The following SLC24A3 variants were observed in gnomAD, a reference collection of about 807,000 sequenced individuals.
SLC24A3 encodes sodium/potassium/calcium exchanger 3.
SLC24A3 carries 28 observed loss-of-function variants against 75.8 expected under a neutral mutation model. The observed-to-expected ratio is 0.37, with a 90% confidence interval of 0.27 to 0.51. The LOEUF (loss-of-function observed/expected upper bound fraction) is 0.51. Ranked by LOEUF, SLC24A3 falls within the 20% of genes least tolerant of loss-of-function variation. The pLI, the probability that SLC24A3 is intolerant of heterozygous loss-of-function variation, is 0.94. For synonymous variants in SLC24A3, 372 were observed against 334.1 expected, an observed-to-expected ratio of 1.11 and a Z score of -1.24; for missense variants, 663 against 847.8, an observed-to-expected ratio of 0.78 and a Z score of 2.71.
At chr20:19,382,390 G>T (rs1352869822) in intron 2 of SLC24A3, among the ~76,000 whole-genome samples, 1 of 151,814 alleles carries the variant, frequency 6.6e-6, no homozygotes, top group East Asian at 1.9e-4. Flanking sequence ...TTACTGCAGT[G>T]GGAGGAAGAA....
chr20:19,669,741 T>A (rs2032444267), intron 8 of SLC24A3, among the ~76,000 whole-genome samples: 1 of 151,990 alleles, frequency 6.6e-6, no homozygotes, highest in Non-Finnish European at 1.5e-5. Context: ...CTCTTCTTGG[T>A]GGGGCTGGAA....
rs117269473 is a variant in SLC24A3 at position 19,365,725 on chromosome 20, G to T, written c.271+84638G>T. On this transcript the variant is annotated intron_variant, in intron 2 of 16. Coordinates refer to ENST00000328041, the MANE Select transcript of SLC24A3 (RefSeq NM_020689.4). Reference sequence around the variant, plus strand: ...ATTTCAATGGCTATGACTGTTGTCTGTGGAGGGTAGAGCTACCTCCAGCCT... The same window carrying T: ...ATTTCAATGGCTATGACTGTTGTCTTTGGAGGGTAGAGCTACCTCCAGCCT... Among the ~76,000 whole-genome samples the T allele has an allele frequency of 2.0e-3, 307 of 151,946 alleles. 11 individuals are homozygous for T. In the East Asian group the frequency reaches 0.046, roughly 23 times the overall value.
At chr20:19,342,371 C>G (rs1985291139) in intron 2 of SLC24A3, among the ~76,000 whole-genome samples, 1 of 152,232 alleles carries the variant, frequency 6.6e-6, no homozygotes, top group Non-Finnish European at 1.5e-5. Context: ...GGGACCTATA[C>G]TCTGCCAGTG....
intron 2 of SLC24A3, among the ~76,000 whole-genome samples, chr20:19,495,490 G>T (rs531900197): frequency 6.6e-6 from 1 of 152,198 alleles, no homozygotes; most frequent in Non-Finnish European, 1.5e-5. Flanking sequence ...GTAGAGCATC[G>T]CCAGCTGTGG....
At chr20:19,219,533 C>G (rs967092439) in intron 1 of SLC24A3, among the ~76,000 whole-genome samples, 1 of 151,914 alleles carries the variant, frequency 6.6e-6, no homozygotes, top group Non-Finnish European at 1.5e-5. Flanking sequence ...TATGAGAGAT[C>G]GGGATGAGAA....
At chr20:19,650,172 T>G (rs977456992) in intron 6 of SLC24A3, among the ~76,000 whole-genome samples, 6 of 151,468 alleles carry the variant, frequency 4.0e-5, no homozygotes, top group African/African-American at 1.5e-4. Context: ...GTCACCTCTA[T>G]GCAAAAAAAA....
chr20:19,562,094 T>A (rs542014596), intron 3 of SLC24A3, among the ~76,000 whole-genome samples: 6 of 152,246 alleles, frequency 3.9e-5, no homozygotes, highest in South Asian at 4.2e-4. Flanking sequence ...CTTTATATGA[T>A]CTCCTGGATT....
intron 2 of SLC24A3, among the ~76,000 whole-genome samples, chr20:19,385,245 A>C (rs992095682): frequency 6.6e-6 from 1 of 152,042 alleles, no homozygotes; most frequent in Non-Finnish European, 1.5e-5. Flanking sequence ...AGAAGCTTTC[A>C]CTCTATATTT....
At chr20:19,633,967 T>C (rs2031969244) in intron 6 of SLC24A3, among the ~76,000 whole-genome samples, 1 of 152,164 alleles carries the variant, frequency 6.6e-6, no homozygotes, top group African/African-American at 2.4e-5. Context: ...AAGGAAGTTG[T>C]CCAACACTCC....
chr20:19,502,026 A>G (rs1220038603), intron 2 of SLC24A3, among the ~76,000 whole-genome samples: 1 of 152,032 alleles, frequency 6.6e-6, no homozygotes, highest in Non-Finnish European at 1.5e-5. Flanking sequence ...TATATTCCAG[A>G]GGAAAGTGAA....
chr20:19,282,687 G>A (rs1008682439), intron 2 of SLC24A3, among the ~76,000 whole-genome samples: 2 of 152,246 alleles, frequency 1.3e-5, no homozygotes, highest in Admixed American at 6.5e-5. Context: ...ATCACTTCTG[G>A]TATGGGAAAG....
At chr20:19,387,001 G>T (rs1020161359) in intron 2 of SLC24A3, among the ~76,000 whole-genome samples, 1 of 152,000 alleles carries the variant, frequency 6.6e-6, no homozygotes, top group Non-Finnish European at 1.5e-5. Flanking sequence ...GGAATTTTTT[G>T]ATTACTGATT....
rs760581173 is a variant in SLC24A3 at position 19,721,000 on chromosome 20, G to C, written c.1795G>C (p.Val599Leu). The stretch of plus-strand genomic sequence containing the variant: ...GTTCTGTGCCCTGCAGGTGTTCGGC[G>C]TCCACCTGAACAAGTGGCAGCTGGA... ...LASVFVTVFG[V>L]HLNKWQLDKK... is the part of the protein sequence containing the mutation. The change falls in exon 17 of 17, where the codon GTC (valine) becomes CTC (leucine). Residue 599 changes from valine to leucine, a missense_variant. Transcript: ENST00000328041. The C allele has an allele frequency of 2.5e-6, 4 of 1,613,754 alleles. No homozygotes were observed. Among genetic ancestry groups the C allele is most frequent in the South Asian group, 2.2e-5 (2 of 91,052 alleles).
chr20:19,291,776 A>C (rs964069189), intron 2 of SLC24A3, among the ~76,000 whole-genome samples: 10 of 152,066 alleles, frequency 6.6e-5, no homozygotes, highest in African/African-American at 2.4e-4. Flanking sequence ...AGGAGACCTC[A>C]GGGCCCACTC....
intron 9 of SLC24A3, among the ~76,000 whole-genome samples, chr20:19,674,413 G>A (rs1483302281): frequency 6.6e-6 from 1 of 152,188 alleles, no homozygotes. Flanking sequence ...GTACTGGACT[G>A]GTGTGGGAGA....
chr20:19,631,996 A>C (rs2031940568), intron 6 of SLC24A3, among the ~76,000 whole-genome samples: 1 of 152,118 alleles, frequency 6.6e-6, no homozygotes, highest in Non-Finnish European at 1.5e-5. Flanking sequence ...ACACACCTAC[A>C]CAGGATTGTT....
chr20:19,441,266 A>G (rs1987294047), intron 2 of SLC24A3, among the ~76,000 whole-genome samples: 3 of 152,178 alleles, frequency 2.0e-5, no homozygotes. Flanking sequence ...GGACCCCGGC[A>G]TCCCACCTAG....
intron 6 of SLC24A3, among the ~76,000 whole-genome samples, chr20:19,604,109 C>T (rs1161524045): frequency 6.6e-6 from 1 of 152,174 alleles, no homozygotes; most frequent in Admixed American, 6.5e-5. Flanking sequence ...AGGAAAGGCC[C>T]ATGCTCTCAA....
intron 2 of SLC24A3, among the ~76,000 whole-genome samples, chr20:19,325,650 A>G (rs144480878): frequency 0.01 from 1,516 of 150,660 alleles, 23 homozygotes; most frequent in African/African-American, 0.034. Flanking sequence ...AGTACTTCAG[A>G]CCAGAAGTAT....
Sources: gnomAD v4.1 joint callset for allele counts (sites outside exome capture counted in the v4.1 genomes callset) on GRCh38, gnomAD v4.1.1 for gene constraint, MANE v1.5 for transcripts, NCBI Gene and HGNC (gene_info 2026-07-23, HGNC 2026-07-21) for gene names.